Variants in HMCN1 observed in about 807,000 individuals in gnomAD.
HMCN1 encodes the protein hemicentin 1.
Under a neutral mutation model 625.9 loss-of-function variants are expected in HMCN1, and 321 were observed. The ratio of observed to expected loss-of-function variants is 0.51; its 90% CI spans 0.47 to 0.56. HMCN1 has a LOEUF of 0.56. HMCN1 is among the 20% of genes least tolerant of loss of function. The probability of loss-of-function intolerance (pLI) is 0.00; values close to 1 mark genes in which losing one functional copy is unlikely to be tolerated. For missense variants in HMCN1, 6,588 were observed against 6,887.3 expected, an observed-to-expected ratio of 0.96 and a Z score of 1.54; for synonymous variants, 2,425 against 2,417.6, an observed-to-expected ratio of 1.00 and a Z score of -0.09.
intron 36 of HMCN1, among the ~76,000 whole-genome samples, chr1:186,029,226 C>T (rs1171287666): frequency 1.3e-5 from 2 of 151,072 alleles, no homozygotes; most frequent in African/African-American, 4.9e-5. Context: ...TTTTTTCAAC[C>T]TTCTGAGGCT....
chr1:185,781,349 T>C (rs1657086656), intron 1 of HMCN1, among the ~76,000 whole-genome samples: 1 of 152,228 alleles, frequency 6.6e-6, no homozygotes, highest in Non-Finnish European at 1.5e-5. Flanking sequence ...TCTATCTCCT[T>C]CAGTTCTGCT....
intron 67 of HMCN1, among the ~76,000 whole-genome samples, chr1:186,094,908 T>C (rs980605555): frequency 2.6e-5 from 4 of 152,162 alleles, no homozygotes; most frequent in Admixed American, 2.6e-4. Flanking sequence ...TTATACTCTA[T>C]AGAGTAGTTA....
At chr1:186,160,796 T>A (rs983163893) in intron 97 of HMCN1, among the ~76,000 whole-genome samples, 3 of 151,678 alleles carry the variant, frequency 2.0e-5, no homozygotes, top group African/African-American at 7.3e-5. Flanking sequence ...TAGTTTGTTA[T>A]AATCTCTGTT....
Position 185,860,527 on chromosome 1 carries a change from A to T in HMCN1, c.340-3943A>T, listed in dbSNP as rs181860505. ...AGCTTGCTATGTTGCCCAGGCTGGA[A>T]GGGAATTCCTGGTTTCAAAGGATCC... On this transcript the variant is annotated intron_variant, in intron 2 of 106. Transcript: ENST00000271588. Among the ~76,000 whole-genome samples the T allele has an allele frequency of 1.2e-3, 186 of 152,046 alleles. 1 individual carries two copies. Among genetic ancestry groups the T allele is most frequent in the African/African-American group, 1.6e-3 (65 of 41,498 alleles).
At chr1:185,852,549 C>G (rs962950261) in intron 2 of HMCN1, among the ~76,000 whole-genome samples, 3 of 146,478 alleles carry the variant, frequency 2.0e-5, no homozygotes, top group Admixed American at 6.9e-5. Flanking sequence ...TTTAAGTTTT[C>G]ATAATATGCA....
At position 186,048,124 on chromosome 1, in the gene HMCN1, T is replaced by G. The variant is rs1294706970; in HGVS notation, c.6481-619T>G. On this transcript the variant is annotated intron_variant, in intron 41 of 106. Transcript: ENST00000271588. ...TTAAATCAGAAACCATATGTGACAT[T>G]ATATCTCTTTATATCTCCTACCTAC... Among the ~76,000 whole-genome samples the G allele has an allele frequency of 2.6e-5, 4 of 152,136 alleles. No homozygotes were observed. In the East Asian group the frequency reaches 7.7e-4, roughly 29 times the overall value.
chr1:186,144,289 T>C lies in HMCN1; in HGVS notation c.14041T>C (p.Tyr4681His), dbSNP rs1650145777. The change falls in exon 90 of 107, where the codon TAC (tyrosine) becomes CAC (histidine). Residue 4681 changes from tyrosine (Y) to histidine (H), a missense_variant. By Grantham distance (83) the Tyr-to-His change is moderately conservative. This residue lies in a region of HMCN1 where 1,954 missense variants were observed against 2,013.1 expected (regional missense o/e 0.97). Transcript: ENST00000271588. ...NNPPPAFGGS[Y>H]CDGAETQMQV... ...CCCACCACCAGCGTTTGGTGGGTCC[T>C]ACTGTGATGGAGCAGAAACACAGAT... 2 of 1,613,936 alleles carry C rather than the reference T, an allele frequency of 1.2e-6. No individual in the cohort carries two copies. Among genetic ancestry groups the C allele is most frequent in the Non-Finnish European group, 1.7e-6 (2 of 1,179,994 alleles).
intron 1 of HMCN1, among the ~76,000 whole-genome samples, chr1:185,807,495 A>T (rs1452821564): frequency 1.3e-5 from 2 of 152,224 alleles, no homozygotes; most frequent in African/African-American, 4.8e-5. Context: ...ATGCAGTAAT[A>T]TACACAGGAA....
chr1:185,987,560 A>C lies in HMCN1; in HGVS notation c.3048+16A>C. The C allele has an allele frequency of 6.6e-7, 1 of 1,514,502 alleles. No homozygotes were observed. The highest frequency in any genetic ancestry group is 9.2e-7 in the Non-Finnish European group (1 of 1,089,390). The allele number at this position is 1,514,502 out of a possible 1,614,324, so 93.8% of individuals were successfully genotyped here. A position where few individuals can be genotyped will look rare whatever the true frequency, so the allele number is the denominator to read the frequency against. On this transcript the variant is annotated intron_variant, in intron 20 of 106. Transcript: ENST00000271588. Reference sequence around the variant, plus strand: ...CTGGTCCAAGGTAAATGATACATCTAGTTATATTTCCTGAAGAGCAGAGTG... The same window carrying C: ...CTGGTCCAAGGTAAATGATACATCTCGTTATATTTCCTGAAGAGCAGAGTG...
intron 36 of HMCN1, among the ~76,000 whole-genome samples, chr1:186,027,634 G>A (rs1655144867): frequency 1.3e-5 from 2 of 152,120 alleles, no homozygotes; most frequent in South Asian, 4.1e-4. Context: ...GAAAATCTTA[G>A]CCTGGTGCCT....
chr1:185,893,155 C>T (rs185861509), intron 4 of HMCN1, among the ~76,000 whole-genome samples: 134 of 152,340 alleles, frequency 8.8e-4, no homozygotes, highest in African/African-American at 3.1e-3. Flanking sequence ...GGCAATGCCT[C>T]GCCCTGCTTC....
chr1:185,756,460 C>T (rs1260903371), intron 1 of HMCN1, among the ~76,000 whole-genome samples: 1 of 149,386 alleles, frequency 6.7e-6, no homozygotes, highest in Non-Finnish European at 1.5e-5. Context: ...TACATTTTCT[C>T]CTAATTTGAC....
chr1:185,782,542 G>T (rs959897731), intron 1 of HMCN1, among the ~76,000 whole-genome samples: 1 of 152,146 alleles, frequency 6.6e-6, no homozygotes, highest in Non-Finnish European at 1.5e-5. Flanking sequence ...GGCAGGCCTG[G>T]TGGTGACAAA....
In HMCN1 at chr1:186,039,324, TTATCTC is replaced by T. The variant is rs946197717; in HGVS notation, c.6028+322_6028+327del. On this transcript the variant is annotated intron_variant, in intron 38 of 106. Transcript: ENST00000271588. ...GTATTAACGAAATGTTTTTGAGTGA[TTATCTC>T]TAATAATGCTTTTAAGACGAGTTGG... is the stretch of plus-strand genomic sequence containing the variant. Among the ~76,000 whole-genome samples the T allele has an allele frequency of 1.1e-3, 162 of 152,238 alleles. 1 individual carries two copies. Among genetic ancestry groups the T allele is most frequent in the African/African-American group, 3.7e-3 (154 of 41,566 alleles).
chr1:185,938,550 C>T (rs1442388076), intron 11 of HMCN1, among the ~76,000 whole-genome samples: 1 of 151,936 alleles, frequency 6.6e-6, no homozygotes, highest in Non-Finnish European at 1.5e-5. Context: ...ATTCATTTTC[C>T]TTATTCCCTA....
At chr1:185,999,453 A>G (rs1653028276) in intron 25 of HMCN1, among the ~76,000 whole-genome samples, 1 of 147,510 alleles carries the variant, frequency 6.8e-6, no homozygotes, top group African/African-American at 2.7e-5. Flanking sequence ...AAATGAATCC[A>G]GGAAAGCTAT....
chr1:185,778,851 G>A (rs997381064), intron 1 of HMCN1, among the ~76,000 whole-genome samples: 2 of 152,258 alleles, frequency 1.3e-5, no homozygotes, highest in East Asian at 3.9e-4. Flanking sequence ...AGTCCTTTGG[G>A]TATATACCCA....
intron 5 of HMCN1, 87 bp from the exon 6 acceptor site, chr1:185,911,587 G>A: frequency 1.0e-6 from 1 of 973,108 alleles, no homozygotes; most frequent in Non-Finnish European, 1.7e-6. Flanking sequence ...ATTTGATCAT[G>A]CTCTTAGTTT....
intron 104 of HMCN1, among the ~76,000 whole-genome samples, chr1:186,181,242 G>GT (rs1553311081): frequency 6.6e-6 from 1 of 152,140 alleles, no homozygotes; most frequent in Non-Finnish European, 1.5e-5. Flanking sequence ...CCACTGGTTG[G>GT]TGTATGCTCA....
Sources: gnomAD v4.1 joint callset for allele counts (sites outside exome capture counted in the v4.1 genomes callset) on GRCh38, gnomAD v4.1.1 for gene constraint, gnomAD v4.1.1 regional missense constraint, MANE v1.5 for transcripts, NCBI Gene and HGNC (gene_info 2026-07-23, HGNC 2026-07-21) for gene names.